Variants in RIOK1 observed in about 807,000 individuals in gnomAD.
The protein encoded by RIOK1 is RIO kinase 1.
Under a neutral mutation model 73.5 loss-of-function variants are expected in RIOK1, and 66 were observed. The observed-to-expected ratio is 0.90, with a 90% CI of 0.74 to 1.10. RIOK1 has a LOEUF of 1.10. RIOK1 is among the 50% of genes least tolerant of loss of function. The pLI is 0.00. For synonymous variants in RIOK1, 224 were observed against 226.8 expected, an observed-to-expected ratio of 0.99 and a Z score of 0.11; for missense variants, 658 against 699.8, an observed-to-expected ratio of 0.94 and a Z score of 0.67.
chr6:7,412,453 G>A (rs567255014), intron 14 of RIOK1, among the ~76,000 whole-genome samples: 21 of 151,932 alleles, frequency 1.4e-4, no homozygotes, highest in South Asian at 4.1e-4. Context: ...TCAGGAGTTC[G>A]AGACCAGCCT....
rs1333302439 is a variant in RIOK1, at chr6:7,414,446, T to C, written c.1596+56T>C. 5 of 1,459,906 alleles carry C rather than the reference T, an allele frequency of 3.4e-6. No homozygotes were observed. The East Asian group carries it at 9.3e-5, about 27-fold the overall frequency. 90.4% of individuals were successfully genotyped at this position (1,459,906 alleles called of 1,614,324 possible). A position where few individuals can be genotyped will look rare whatever the true frequency, so the allele number is the denominator to read the frequency against. On this transcript the variant is annotated intron_variant, in intron 16 of 16. Transcript: ENST00000379834. ...TAGTGTGGGAGCACAGCCGCTCTTA[T>C]TTCTCTTTGCTCAAGGATCTAGCTA...
Position 7,404,448 on chromosome 6 carries a change from A to T in RIOK1, c.885A>T (p.Leu295Phe), listed in dbSNP as rs1761690183. 1 of 1,614,148 alleles carries T rather than the reference A, an allele frequency of 6.2e-7. No individual in the cohort carries two copies. Among genetic ancestry groups the T allele is most frequent in the Admixed American group, 1.7e-5 (1 of 60,028 alleles). The change falls in exon 10 of 17, where the codon TTA becomes TTT. Residue 295 changes from leucine to phenylalanine, a missense_variant. Transcript: ENST00000379834. ...CACCACTCTTGAAAAATGTCCAGTT[A>T]TCAGAATCCAAGGCTCGGGAGTTGT... ...MPAPLLKNVQ[L>F]SESKARELYL...
chr6:7,405,500 A>G (rs1761723178), intron 12 of RIOK1, 145 bp downstream of exon 12: 2 of 523,266 alleles, frequency 3.8e-6, no homozygotes, highest in African/African-American at 3.8e-5. Flanking sequence ...CTAGTTGAGC[A>G]TCCGAAATAT....
chr6:7,403,391 G>A (rs1232231268), intron 8 of RIOK1, among the ~76,000 whole-genome samples: 1 of 152,064 alleles, frequency 6.6e-6, no homozygotes, highest in Non-Finnish European at 1.5e-5. Context: ...TTCTTTGTTT[G>A]CACTAACACC....
chr6:7,389,889 A>G lies in RIOK1; in HGVS notation c.-114A>G, dbSNP rs1761281937. On this transcript the variant is annotated 5_prime_UTR_variant, in exon 1 of 17. Coordinates refer to ENST00000379834, the MANE Select transcript of RIOK1 (RefSeq NM_031480.3). Reference sequence around the variant, plus strand: ...ACGTGGTGGCCACTGTTGGCTTCTGAATGGTTTGCAAGGCGGATATCCACG... The same window carrying G: ...ACGTGGTGGCCACTGTTGGCTTCTGGATGGTTTGCAAGGCGGATATCCACG... 1.3e-6 allele frequency: 1 copy of G among 768,214 alleles called. No homozygotes were observed. Among genetic ancestry groups the G allele is most frequent in the Non-Finnish European group, 2.1e-6 (1 of 475,980 alleles). 47.6% of individuals were successfully genotyped at this position (768,214 alleles called of 1,614,324 possible).
chr6:7,396,271 T>TGTCA (rs1761470983), intron 3 of RIOK1, among the ~76,000 whole-genome samples: 1 of 152,218 alleles, frequency 6.6e-6, no homozygotes, highest in African/African-American at 2.4e-5. Flanking sequence ...TCATATAAGC[T>TGTCA]GTCAATACAT....
chr6:7,404,646 A>G (rs980897130), intron 10 of RIOK1, 91 bp downstream of exon 10: 2 of 1,450,702 alleles, frequency 1.4e-6, no homozygotes, highest in African/African-American at 2.8e-5. Flanking sequence ...AAGTCACACT[A>G]ACTTCTGAAG....
At position 7,389,918 on chromosome 6, in the gene RIOK1, A is replaced by C; in HGVS notation, c.-85A>C. 9.5e-7 allele frequency: 1 copy of C among 1,054,234 alleles called. No homozygotes were observed. Among genetic ancestry groups the C allele is most frequent in the Non-Finnish European group, 1.4e-6 (1 of 722,548 alleles). The allele number at this position is 1,054,234 out of a possible 1,614,324, so 65.3% of individuals were successfully genotyped here. ...GTTTGCAAGGCGGATATCCACGCCA[A>C]GGCCTTTGGATCGGCCGTGGGTACA... is the stretch of plus-strand genomic sequence containing the variant. On this transcript the variant is annotated 5_prime_UTR_variant, in exon 1 of 17. Transcript: ENST00000379834.
In RIOK1 at chr6:7,398,706, T is replaced by C. The variant is rs1385892555; in HGVS notation, c.446T>C (p.Ile149Thr). The C allele has an allele frequency of 2.5e-6, 4 of 1,613,142 alleles. No individual in the cohort carries two copies. The highest frequency in any genetic ancestry group is 3.4e-6 in the Non-Finnish European group (4 of 1,179,474). The change falls in exon 5 of 17, where the codon ATC (isoleucine) becomes ACC (threonine). Residue 149 changes from isoleucine to threonine, a missense_variant. Ile to Thr is a moderately conservative substitution (Grantham distance 89). Coordinates refer to ENST00000379834, the MANE Select transcript of RIOK1 (RefSeq NM_031480.3). Reference sequence around the variant, plus strand: ...TTTTTGTTTTTGGTTAGGTATCGCATCAAAGATAAGGCAGACAGAGCAACT... The same window carrying C: ...TTTTTGTTTTTGGTTAGGTATCGCACCAAAGATAAGGCAGACAGAGCAACT... ...SRQKEADMYR[I>T]KDKADRATVE...
At chr6:7,396,814 A>G (rs989183591) in intron 4 of RIOK1, 42 bp downstream of exon 4, 5 of 1,046,000 alleles carry the variant, frequency 4.8e-6, no homozygotes, top group Admixed American at 1.9e-5. Context: ...ATAAGGACTA[A>G]TCTAGATTAA....
Position 7,389,872 on chromosome 6 carries a change from G to A in RIOK1, c.-131G>A, listed in dbSNP as rs1052110844. 7.7e-6 allele frequency: 5 copies of A among 645,858 alleles called. No individual in the cohort carries two copies. The highest frequency in any genetic ancestry group is 1.3e-5 in the Non-Finnish European group (5 of 373,694). 40.0% of individuals were successfully genotyped at this position (645,858 alleles called of 1,614,324 possible). ...TCCCGTTTTCCCGTCGCACGTGGTG[G>A]CCACTGTTGGCTTCTGAATGGTTTG... On this transcript the variant is annotated 5_prime_UTR_variant, in exon 1 of 17. Coordinates refer to ENST00000379834, the MANE Select transcript of RIOK1 (RefSeq NM_031480.3).
intron 3 of RIOK1, among the ~76,000 whole-genome samples, chr6:7,395,373 C>T (rs537055502): frequency 7.2e-5 from 11 of 152,124 alleles, no homozygotes; most frequent in Admixed American, 2.0e-4. Context: ...ATTAGCTGGG[C>T]GTGGTGGCAC....
chr6:7,405,861 A>T (rs1761733148), intron 12 of RIOK1, among the ~76,000 whole-genome samples: 1 of 148,520 alleles, frequency 6.7e-6, no homozygotes, highest in Non-Finnish European at 1.5e-5. Flanking sequence ...ATCTGGCAAG[A>T]TTACATAGAC....
At chr6:7,409,811 A>C (rs1426405881) in intron 12 of RIOK1, among the ~76,000 whole-genome samples, 2 of 151,984 alleles carry the variant, frequency 1.3e-5, no homozygotes, top group East Asian at 1.9e-4. Flanking sequence ...AAAAAAAAAA[A>C]AAAACCTCTG....
At chr6:7,414,827 T>G (rs2113532523) in intron 16 of RIOK1, among the ~76,000 whole-genome samples, 1 of 152,316 alleles carries the variant, frequency 6.6e-6, no homozygotes, top group Non-Finnish European at 1.5e-5. Context: ...AATGGAAAAT[T>G]CCAGAAGTAA....
At chr6:7,415,985 G>A (rs1316532329) in intron 16 of RIOK1, among the ~76,000 whole-genome samples, 2 of 152,102 alleles carry the variant, frequency 1.3e-5, no homozygotes, top group Non-Finnish European at 2.9e-5. Flanking sequence ...GTATATATAG[G>A]GTTTGGCACT....
chr6:7,404,130 A>T lies in RIOK1; in HGVS notation c.854+103A>T. 3 of 866,492 alleles carry T rather than the reference A, an allele frequency of 3.5e-6. No homozygotes were observed. The South Asian group carries it at 4.3e-5, about 12-fold the overall frequency. 53.7% of individuals were successfully genotyped at this position (866,492 alleles called of 1,614,324 possible). On this transcript the variant is annotated intron_variant, in intron 9 of 16. Coordinates refer to ENST00000379834, the MANE Select transcript of RIOK1 (RefSeq NM_031480.3). ...TATTTCCCATTTGAATAACTTATTA[A>T]TCTTTCCCACTATATTAGTGAATAA...
At chr6:7,408,551 G>C (rs918045911) in intron 12 of RIOK1, among the ~76,000 whole-genome samples, 1 of 152,106 alleles carries the variant, frequency 6.6e-6, no homozygotes, top group Non-Finnish European at 1.5e-5. Flanking sequence ...ATTATACTAA[G>C]TCCCTAATTC....
chr6:7,400,917 A>G (rs1359112194), intron 5 of RIOK1, 41 bp from the exon 6 acceptor site: 3 of 1,264,926 alleles, frequency 2.4e-6, no homozygotes, highest in Non-Finnish European at 3.4e-6. Context: ...AAAATTTGGT[A>G]CCGTCTTTTG....
Sources: gnomAD v4.1 joint callset for allele counts (sites outside exome capture counted in the v4.1 genomes callset) on GRCh38, gnomAD v4.1.1 for gene constraint, MANE v1.5 for transcripts, NCBI Gene and HGNC (gene_info 2026-07-23, HGNC 2026-07-21) for gene names.